The following PLCB1 variants were observed in gnomAD, a reference collection of about 807,000 sequenced individuals.
The protein encoded by PLCB1 is 1-phosphatidylinositol 4,5-bisphosphate phosphodiesterase beta-1.
Under a neutral mutation model 161.8 loss-of-function variants are expected in PLCB1, and 46 were observed. That is an observed-to-expected ratio of 0.28 (90% CI 0.22 to 0.36). The LOEUF is 0.36. PLCB1 is among the 10% of genes least tolerant of loss of function. PLCB1 has a pLI of 1.00. For missense variants in PLCB1, 1,016 were observed against 1,472.5 expected (o/e 0.69, Z 5.07); for synonymous variants, 517 against 503.7 (o/e 1.03, Z -0.35).
At chr20:8,865,797 G>C (rs1293052362) in intron 31 of PLCB1, among the ~76,000 whole-genome samples, 1 of 152,164 alleles carries the variant, frequency 6.6e-6, no homozygotes, top group African/African-American at 2.4e-5. Context: ...AAAGTGGTAG[G>C]GAGGACTTGT....
chr20:8,338,003 T>G (rs1985649899), intron 2 of PLCB1, among the ~76,000 whole-genome samples: 1 of 152,062 alleles, frequency 6.6e-6, no homozygotes, highest in Non-Finnish European at 1.5e-5. Context: ...CAGAGAGGGA[T>G]GAATGATGCC....
chr20:8,504,909 A>T (rs1190378314), intron 3 of PLCB1, among the ~76,000 whole-genome samples: 1 of 152,206 alleles, frequency 6.6e-6, no homozygotes, highest in Non-Finnish European at 1.5e-5. Flanking sequence ...ACTTTGTCAC[A>T]CAGGCTGAAG....
intron 3 of PLCB1, among the ~76,000 whole-genome samples, chr20:8,460,130 G>A (rs535039232): frequency 2.9e-4 from 44 of 152,330 alleles, no homozygotes; most frequent in Non-Finnish European, 5.9e-4. Flanking sequence ...AGTGGTGATA[G>A]AGATATCAGC....
chr20:8,713,642 G>C (rs1209554858), intron 12 of PLCB1, among the ~76,000 whole-genome samples: 3 of 152,162 alleles, frequency 2.0e-5, no homozygotes, highest in African/African-American at 7.2e-5. Context: ...ATTTTAATAA[G>C]ACCCCAGGTA....
intron 14 of PLCB1, among the ~76,000 whole-genome samples, chr20:8,719,408 A>G (rs73895116): frequency 1.3e-5 from 2 of 152,170 alleles, no homozygotes; most frequent in African/African-American, 2.4e-5. Flanking sequence ...TGGACACCAA[A>G]TACTCGTCAA....
At chr20:8,635,941 A>G (rs6039211) in intron 4 of PLCB1, among the ~76,000 whole-genome samples, 63,306 of 152,020 alleles carry the variant, frequency 0.42, 13,549 homozygotes, top group African/African-American at 0.5. Context: ...CTGGGAACAT[A>G]TGCATTGAGG....
At chr20:8,741,628 T>C in intron 23 of PLCB1, 55 bp downstream of exon 23, 1 of 1,147,372 alleles carries the variant, frequency 8.7e-7, no homozygotes, top group Non-Finnish European at 1.3e-6. Flanking sequence ...CCACACCTAC[T>C]TGTTGGCTTT....
rs577961886 is a variant in PLCB1, at chr20:8,160,523, G to A, written c.177+10152G>A. On this transcript the variant is annotated intron_variant, in intron 2 of 31. Transcript: ENST00000338037. ...AATCATAGTGGAAGGTGAGAGGCAC[G>A]TCTCACATGGTGTCAGCCAAGAGAA... Among the ~76,000 whole-genome samples, 148 of 152,304 alleles carry A rather than the reference G, an allele frequency of 9.7e-4. 2 individuals carry two copies. The highest frequency in any genetic ancestry group is 3.2e-3 in the African/African-American group (133 of 41,568).
intron 2 of PLCB1, among the ~76,000 whole-genome samples, chr20:8,259,044 A>T (rs1016402813): frequency 6.6e-6 from 1 of 152,078 alleles, no homozygotes; most frequent in African/African-American, 2.4e-5. Flanking sequence ...TAGCCTTTTG[A>T]GTCTGGCTCT....
At chr20:8,534,342 C>T (rs1984956187) in intron 3 of PLCB1, among the ~76,000 whole-genome samples, 2 of 152,220 alleles carry the variant, frequency 1.3e-5, no homozygotes, top group African/African-American at 2.4e-5. Flanking sequence ...GCGCCCCCGG[C>T]CCTTGTGACA....
intron 9 of PLCB1, among the ~76,000 whole-genome samples, chr20:8,684,295 C>T (rs1022501816): frequency 1.3e-5 from 2 of 151,784 alleles, no homozygotes; most frequent in Non-Finnish European, 2.9e-5. Flanking sequence ...CTCGCTCTGT[C>T]GCCCAGGCTG....
At chr20:8,545,965 T>C (rs1275263463) in intron 3 of PLCB1, among the ~76,000 whole-genome samples, 3 of 152,168 alleles carry the variant, frequency 2.0e-5, no homozygotes, top group Admixed American at 6.5e-5. Context: ...GAAACATAAA[T>C]ATTGTGTTCT....
intron 31 of PLCB1, among the ~76,000 whole-genome samples, chr20:8,858,289 A>G (rs1987135272): frequency 6.6e-6 from 1 of 152,180 alleles, no homozygotes; most frequent in Non-Finnish European, 1.5e-5. Flanking sequence ...TCATTATGAA[A>G]TATTTAGGTA....
At chr20:8,611,190 T>A (rs1355172861) in intron 3 of PLCB1, among the ~76,000 whole-genome samples, 2 of 152,104 alleles carry the variant, frequency 1.3e-5, no homozygotes, top group Non-Finnish European at 2.9e-5. Context: ...AAGCTCTTTG[T>A]GAATGTAAAA....
At chr20:8,198,592 C>T (rs932548282) in intron 2 of PLCB1, among the ~76,000 whole-genome samples, 2 of 152,060 alleles carry the variant, frequency 1.3e-5, no homozygotes, top group Non-Finnish European at 2.9e-5. Flanking sequence ...AAAATAATCT[C>T]AGACCATGTA....
At chr20:8,805,637 T>A (rs1397865933) in intron 31 of PLCB1, among the ~76,000 whole-genome samples, 1 of 152,202 alleles carries the variant, frequency 6.6e-6, no homozygotes, top group African/African-American at 2.4e-5. Context: ...ATAACATGTG[T>A]TATCTTCTTA....
chr20:8,422,586 G>C (rs1395812105), intron 3 of PLCB1, among the ~76,000 whole-genome samples: 1 of 152,148 alleles, frequency 6.6e-6, no homozygotes, highest in Non-Finnish European at 1.5e-5. Context: ...CAATAAAAAC[G>C]TATAACGTTT....
At chr20:8,468,059 G>A (rs747737541) in intron 3 of PLCB1, among the ~76,000 whole-genome samples, 4 of 152,148 alleles carry the variant, frequency 2.6e-5, no homozygotes, top group Non-Finnish European at 4.4e-5. Context: ...GAAGTCATGT[G>A]CAAAAGACTA....
At chr20:8,184,256 A>T (rs906515639) in intron 2 of PLCB1, among the ~76,000 whole-genome samples, 1 of 152,174 alleles carries the variant, frequency 6.6e-6, no homozygotes, top group Non-Finnish European at 1.5e-5. Context: ...ATTTAACTTT[A>T]CTTGAAATTA....
Sources: allele counts gnomAD v4.1 joint callset (sites outside exome capture counted in the v4.1 genomes callset), GRCh38; gene constraint gnomAD v4.1.1; transcripts MANE v1.5; gene names NCBI Gene and HGNC (gene_info 2026-07-23, HGNC 2026-07-21).